The following CNOT11 variants were observed in gnomAD, a reference collection of about 807,000 sequenced individuals.
CNOT11 encodes CCR4-NOT transcription complex subunit 11.
In CNOT11, 18 loss-of-function variants were observed where a neutral mutation model predicts 44.6. The ratio of observed to expected loss-of-function variants is 0.40; its 90% CI spans 0.28 to 0.60. The LOEUF (loss-of-function observed/expected upper bound fraction) is 0.60. Ranked by LOEUF, CNOT11 falls within the 20% of genes least tolerant of loss-of-function variation. CNOT11 has a pLI of 0.38. For synonymous variants in CNOT11, 291 were observed against 270.9 expected (o/e 1.07, Z -0.73); for missense variants, 513 against 677.0 (o/e 0.76, Z 2.69).
At position 101,253,187 on chromosome 2, in the gene CNOT11, A is replaced by G. The variant is rs559858310; in HGVS notation, c.223A>G (p.Ile75Val). The change falls in exon 1 of 7, where the codon ATA (isoleucine) becomes GTA (valine). Residue 75 changes from isoleucine (I) to valine (V), a missense_variant. Coordinates refer to ENST00000289382, the MANE Select transcript of CNOT11 (RefSeq NM_017546.5). This position sits in a 1 kb window ranked among gnomAD's most constrained non-coding sequence, Gnocchi z 4.3. ...PKELSSLLSI[I>V]SEEAGGGSTF... Reference sequence around the variant, plus strand: ...GGAGCTCTCGAGCCTGCTGAGCATCATATCGGAGGAGGCGGGCGGCGGCAG... The same window carrying G: ...GGAGCTCTCGAGCCTGCTGAGCATCGTATCGGAGGAGGCGGGCGGCGGCAG... The G allele has an allele frequency of 1.4e-4, 226 of 1,604,172 alleles. 1 individual carries two copies. In the South Asian group the frequency reaches 2.2e-3, roughly 16 times the overall value.
intron 4 of CNOT11, among the ~76,000 whole-genome samples, chr2:101,265,814 G>GTA (rs748304741): frequency 5.9e-5 from 9 of 152,230 alleles, no homozygotes; most frequent in Middle Eastern, 6.8e-3. Flanking sequence ...AGCCCCCACT[G>GTA]CCCGAGTGTG....
At chr2:101,265,727 T>TAAC (rs1223143868) in intron 4 of CNOT11, among the ~76,000 whole-genome samples, 1 of 152,068 alleles carries the variant, frequency 6.6e-6, no homozygotes, top group African/African-American at 2.4e-5. Flanking sequence ...TGACAGGCTG[T>TAAC]AGGGAGGAAA....
At chr2:101,260,911 C>T (rs1314193883) in intron 2 of CNOT11, among the ~76,000 whole-genome samples, 1 of 151,452 alleles carries the variant, frequency 6.6e-6, no homozygotes, top group Non-Finnish European at 1.5e-5. Context: ...AATGGCATTA[C>T]AGGATAATTT....
In CNOT11 at chr2:101,262,660, T is replaced by C; in HGVS notation, c.801T>C (p.Ala267=). The C allele has an allele frequency of 6.2e-7, 1 of 1,614,178 alleles. No homozygotes were observed. Among genetic ancestry groups the C allele is most frequent in the Non-Finnish European group, 8.5e-7 (1 of 1,179,992 alleles). ...CAGTTGCCTCTCAGATCACAGAAGC[T>C]TTAGTCAGCGGACCAAAGCCACCTA... ...DSSVASQITE[A]LVSGPKPPIE... is the part of the protein sequence containing the mutation. The change falls in exon 3 of 7, where the codon GCT becomes GCC. Residue 267 remains alanine, a synonymous_variant. Transcript: ENST00000289382.
chr2:101,262,413 A>G (rs765774238), intron 2 of CNOT11, 126 bp from the exon 3 acceptor site: 6 of 827,104 alleles, frequency 7.3e-6, no homozygotes, highest in Non-Finnish European at 1.2e-5. Flanking sequence ...ACATACACAC[A>G]TTTTCTCTCT....
intron 5 of CNOT11, among the ~76,000 whole-genome samples, chr2:101,268,650 G>A (rs1055250449): frequency 8.5e-5 from 13 of 152,150 alleles, no homozygotes; most frequent in African/African-American, 2.9e-4. Flanking sequence ...TTCATACTTT[G>A]AGTACGGAAT....
Position 101,253,622 on chromosome 2 carries a change from A to C in CNOT11, c.514+144A>C. 1 of 803,654 alleles carries C rather than the reference A, an allele frequency of 1.2e-6. No homozygotes were observed. The highest frequency in any genetic ancestry group is 1.8e-6 in the Non-Finnish European group (1 of 542,814). 49.8% of individuals were successfully genotyped at this position (803,654 alleles called of 1,614,324 possible). The stretch of plus-strand genomic sequence containing the variant: ...TTTTTCCGCCTCTCTCTGCGTTCCC[A>C]CGCCCCTCACTCCTCCCCGCCTTAA... On this transcript the variant is annotated intron_variant, in intron 1 of 6. Transcript: ENST00000289382. This position sits in a 1 kb window ranked among gnomAD's most constrained non-coding sequence, Gnocchi z 4.3.
At chr2:101,257,161 G>A (rs546110263) in intron 1 of CNOT11, among the ~76,000 whole-genome samples, 1 of 152,260 alleles carries the variant, frequency 6.6e-6, no homozygotes, top group African/African-American at 2.4e-5. Flanking sequence ...GGGAGGCTGA[G>A]GCGAGTGGAT....
At chr2:101,262,718 T>A in intron 3 of CNOT11, 27 bp downstream of exon 3, 1 of 1,583,134 alleles carries the variant, frequency 6.3e-7, no homozygotes, top group Non-Finnish European at 8.7e-7. Context: ...TAATTTATAC[T>A]CTTTGTTTTA....
chr2:101,266,968 A>G, intron 5 of CNOT11, 89 bp downstream of exon 5: 1 of 925,808 alleles, frequency 1.1e-6, no homozygotes, highest in Non-Finnish European at 1.7e-6. Context: ...TTGTCTTGAT[A>G]TTATTGGCGT....
chr2:101,267,947 T>G (rs1265755123), intron 5 of CNOT11, among the ~76,000 whole-genome samples: 1 of 152,190 alleles, frequency 6.6e-6, no homozygotes, highest in Non-Finnish European at 1.5e-5. Flanking sequence ...AACACCTGTT[T>G]GTAAGTTGGG....
chr2:101,264,074 C>G (rs982971701), intron 3 of CNOT11, among the ~76,000 whole-genome samples: 1 of 152,214 alleles, frequency 6.6e-6, no homozygotes, highest in Non-Finnish European at 1.5e-5. Flanking sequence ...ACAGTAGACT[C>G]TCAAATTTGG....
At position 101,253,141 on chromosome 2, in the gene CNOT11, C is replaced by T; in HGVS notation, c.177C>T (p.Gly59=). 1 of 1,560,380 alleles carries T rather than the reference C, an allele frequency of 6.4e-7. No homozygotes were observed. Residue 59 remains glycine (G), a synonymous_variant, in exon 1 of 7, where the codon GGC becomes GGT. Transcript: ENST00000289382. The surrounding 1 kb of genome is among the most constrained non-coding windows in gnomAD (Gnocchi z 4.3). The stretch of plus-strand genomic sequence containing the variant: ...GCGGAGGCCCGGGGGGCCCCGCGGG[C>T]AGGATGAGCTTGACCCCGAAGGAGC... ...SGSGGPGGPA[G]RMSLTPKELS...
At position 101,252,922 on chromosome 2, in the gene CNOT11, C is replaced by T. The variant is rs1029171299; in HGVS notation, c.-43C>T. On this transcript the variant is annotated 5_prime_UTR_variant, in exon 1 of 7. Transcript: ENST00000289382. ...CCGCGGGGACGGAGCGAGCCGGCGC[C>T]AGGGCCCCTCGGGCCGGGAAGAGGG... The T allele has an allele frequency of 6.4e-6, 9 of 1,395,598 alleles. No individual in the cohort carries two copies. The highest frequency in any genetic ancestry group is 1.6e-5 in the South Asian group (1 of 63,740). The allele number at this position is 1,395,598 out of a possible 1,614,324, so 86.5% of individuals were successfully genotyped here.
chr2:101,261,802 T>C (rs1312334015), intron 2 of CNOT11, among the ~76,000 whole-genome samples: 1 of 151,906 alleles, frequency 6.6e-6, no homozygotes, highest in Non-Finnish European at 1.5e-5. Context: ...AAAATCCTTA[T>C]TAAAGTTACT....
chr2:101,262,471 T>A, intron 2 of CNOT11, 68 bp from the exon 3 acceptor site: 1 of 1,440,878 alleles, frequency 6.9e-7, no homozygotes, highest in Non-Finnish European at 9.7e-7. Context: ...ATAGCTTGCC[T>A]CAGTTGGTAG....
chr2:101,269,301 T>C lies in CNOT11; in HGVS notation c.1421T>C (p.Val474Ala). The change falls in exon 7 of 7, where the codon GTG (valine) becomes GCG (alanine). Residue 474 changes from valine to alanine, a missense_variant. This residue lies in a region of CNOT11 where 87 missense variants were observed against 185.4 expected (regional missense o/e 0.47). Transcript: ENST00000289382. This position sits in a 1 kb window ranked among gnomAD's most constrained non-coding sequence, Gnocchi z 4.8. ...IINVQDLFIE[V>A]QAFCIEFSRI... ...AATGTACAGGATTTGTTTATAGAAG[T>C]GCAGGCATTCTGTATTGAATTCAGT... 6.2e-7 allele frequency: 1 copy of C among 1,613,976 alleles called. No homozygotes were observed. Among genetic ancestry groups the C allele is most frequent in the Non-Finnish European group, 8.5e-7 (1 of 1,179,868 alleles).
At chr2:101,263,193 A>C (rs1681907604) in intron 3 of CNOT11, among the ~76,000 whole-genome samples, 1 of 152,116 alleles carries the variant, frequency 6.6e-6, no homozygotes, top group Non-Finnish European at 1.5e-5. Context: ...CCTGGGTGAC[A>C]GAGTGAGATT....
At chr2:101,257,522 T>A (rs1488476641) in intron 1 of CNOT11, among the ~76,000 whole-genome samples, 1 of 151,740 alleles carries the variant, frequency 6.6e-6, no homozygotes, top group Non-Finnish European at 1.5e-5. Context: ...CCAGGCTGCG[T>A]TTTGTGTTTC....
Sources: gnomAD v4.1 joint callset for allele counts (sites outside exome capture counted in the v4.1 genomes callset) on GRCh38, gnomAD v4.1.1 for gene constraint, gnomAD v4.1.1 regional missense constraint, Gnocchi (gnomAD v3.1) non-coding constraint, MANE v1.5 for transcripts, NCBI Gene and HGNC (gene_info 2026-07-23, HGNC 2026-07-21) for gene names.